Variants in C12orf42 observed in about 807,000 individuals in gnomAD.
The protein encoded by C12orf42 is uncharacterized protein C12orf42.
C12orf42 carries 25 observed loss-of-function variants against 21.6 expected under a neutral mutation model. The ratio of observed to expected loss-of-function variants is 1.16; its 90% CI spans 0.84 to 1.62. The LOEUF (loss-of-function observed/expected upper bound fraction) is 1.62. Ranked by LOEUF, C12orf42 falls within the 40% of genes most tolerant of loss-of-function variation. The probability of loss-of-function intolerance (pLI) is 0.00; values close to 1 mark genes in which losing one functional copy is unlikely to be tolerated. For missense variants in C12orf42, 483 were observed against 459.3 expected, an observed-to-expected ratio of 1.05 and a Z score of -0.47; for synonymous variants, 174 against 175.0, an observed-to-expected ratio of 0.99 and a Z score of 0.05.
At chr12:103,532,483 T>C in the C12orf42 span, among the ~76,000 whole-genome samples, 2 of 152,166 alleles carry the variant, frequency 1.3e-5, no homozygotes, top group Admixed American at 6.5e-5. Context: ...TATACCTACT[T>C]TGTATTTAAA....
the C12orf42 span, among the ~76,000 whole-genome samples, chr12:103,076,728 G>GTATA: frequency 6.6e-6 from 1 of 152,118 alleles, no homozygotes; most frequent in Non-Finnish European, 1.5e-5. Context: ...TTAAAGAAAT[G>GTATA]TATATATAGC....
the C12orf42 span, among the ~76,000 whole-genome samples, chr12:103,177,785 T>C: frequency 6.6e-6 from 1 of 152,166 alleles, no homozygotes; most frequent in Non-Finnish European, 1.5e-5. Context: ...ACTAATCAAA[T>C]TGGGGATTCC....
intron 1 of C12orf42, among the ~76,000 whole-genome samples, chr12:103,487,367 A>G (rs931947870): frequency 1.3e-5 from 2 of 152,212 alleles, no homozygotes; most frequent in African/African-American, 4.8e-5. Flanking sequence ...GGAGTGCTTT[A>G]CTTCCAATTA....
At chr12:103,091,924 G>A in the C12orf42 span, among the ~76,000 whole-genome samples, 1 of 152,266 alleles carries the variant, frequency 6.6e-6, no homozygotes. Flanking sequence ...TTAGAGAAGA[G>A]CCTATCAGTA....
intron 5 of C12orf42, among the ~76,000 whole-genome samples, chr12:103,276,633 A>G (rs73385663): frequency 0.051 from 7,794 of 152,280 alleles, 478 homozygotes; most frequent in African/African-American, 0.15. Context: ...GCTGCTGTCA[A>G]CCACAACCAA....
In C12orf42 at chr12:103,429,958, C is replaced by T. The variant is rs1195801401; in HGVS notation, c.79-28283G>A. On this transcript the variant is annotated intron_variant, in intron 2 of 5. Transcript: ENST00000548883. ...CTGAACCTCTTCCTTACACGTTATA[C>T]AAAAATTAACTCAGGATGGATTAAA... 2.6e-5 allele frequency among the ~76,000 whole-genome samples: 4 copies of T among 152,116 alleles called. No homozygotes were observed. The South Asian group carries it at 8.3e-4, about 32-fold the overall frequency.
the C12orf42 span, among the ~76,000 whole-genome samples, chr12:103,230,699 C>T: frequency 2.6e-5 from 4 of 152,200 alleles, no homozygotes; most frequent in Non-Finnish European, 5.9e-5. Flanking sequence ...TTTTCCTTCT[C>T]TGTCTTCATT....
At chr12:103,213,326 T>G in the C12orf42 span, among the ~76,000 whole-genome samples, 4 of 152,190 alleles carry the variant, frequency 2.6e-5, no homozygotes, top group Non-Finnish European at 4.4e-5. Flanking sequence ...TTGGAACTTA[T>G]GGTGTCTAAC....
the C12orf42 span, among the ~76,000 whole-genome samples, chr12:103,121,036 A>T: frequency 6.6e-5 from 10 of 152,290 alleles, no homozygotes; most frequent in South Asian, 1.9e-3. Context: ...TGGCAAAATC[A>T]TTTAAGTCAG....
chr12:103,225,232 C>A, the C12orf42 span, among the ~76,000 whole-genome samples: 1 of 152,130 alleles, frequency 6.6e-6, no homozygotes, highest in Non-Finnish European at 1.5e-5. Flanking sequence ...TTGGGCACCA[C>A]AGGGTGGATA....
intron 2 of C12orf42, among the ~76,000 whole-genome samples, chr12:103,426,271 C>T (rs190802495): frequency 6.6e-6 from 1 of 152,266 alleles, no homozygotes; most frequent in East Asian, 1.9e-4. Context: ...ACATAAATGA[C>T]CTGTCAGAGC....
chr12:103,225,268 G>A, the C12orf42 span, among the ~76,000 whole-genome samples: 19 of 152,296 alleles, frequency 1.2e-4, no homozygotes, highest in African/African-American at 3.4e-4. Context: ...TTGATAAGGC[G>A]AAGATCCTGA....
intron 4 of C12orf42, among the ~76,000 whole-genome samples, chr12:103,323,017 T>C (rs2040338709): frequency 1.3e-5 from 2 of 152,206 alleles, no homozygotes; most frequent in South Asian, 2.1e-4. Context: ...GATGAAGAAA[T>C]AGGCTTATAG....
intron 4 of C12orf42, among the ~76,000 whole-genome samples, chr12:103,296,745 A>T (rs980807304): frequency 5.3e-5 from 8 of 152,086 alleles, no homozygotes; most frequent in Admixed American, 5.2e-4. Context: ...TTCTTTGTAG[A>T]TTCTGGATAT....
the C12orf42 span, among the ~76,000 whole-genome samples, chr12:103,074,699 A>T: frequency 6.6e-6 from 1 of 152,222 alleles, no homozygotes; most frequent in African/African-American, 2.4e-5. Flanking sequence ...CTATAAAGTT[A>T]GAATGCATAT....
chr12:103,146,537 G>T, the C12orf42 span, among the ~76,000 whole-genome samples: 24 of 116,508 alleles, frequency 2.1e-4, no homozygotes, highest in African/African-American at 3.6e-4. Context: ...AGAAAAGAAA[G>T]AAAGAAAGAG....
intron 2 of C12orf42, among the ~76,000 whole-genome samples, chr12:103,475,108 A>G (rs1953944161): frequency 1.3e-5 from 2 of 152,222 alleles, no homozygotes; most frequent in African/African-American, 4.8e-5. Context: ...GTAGATTCAG[A>G]AAAAAGCCAT....
chr12:103,448,680 A>G (rs180883171), intron 2 of C12orf42, among the ~76,000 whole-genome samples: 3 of 152,210 alleles, frequency 2.0e-5, no homozygotes, highest in Admixed American at 6.5e-5. Context: ...AAGCATATAG[A>G]AAAATGCTCA....
chr12:103,449,125 A>AGATG (rs986597653), intron 2 of C12orf42, among the ~76,000 whole-genome samples: 1 of 151,572 alleles, frequency 6.6e-6, no homozygotes, highest in African/African-American at 2.4e-5. Flanking sequence ...ATAGATAGAT[A>AGATG]GATAGACAGA....
Sources: gnomAD v4.1 joint callset for allele counts (sites outside exome capture counted in the v4.1 genomes callset) on GRCh38, gnomAD v4.1.1 for gene constraint, MANE v1.5 for transcripts, NCBI Gene and HGNC (gene_info 2026-07-23, HGNC 2026-07-21) for gene names.